The following OTUD4 variants were observed in gnomAD, a reference collection of about 807,000 sequenced individuals.
The protein encoded by OTUD4 is OTU deubiquitinase 4, also known as OTU domain-containing protein 4.
In OTUD4, 24 loss-of-function variants were observed where a neutral mutation model predicts 130.4. That is an observed-to-expected ratio of 0.18 (90% CI 0.13 to 0.26). The LOEUF (loss-of-function observed/expected upper bound fraction) is 0.26. OTUD4 is among the 10% of genes least tolerant of loss of function. OTUD4 has a pLI of 1.00. For missense variants in OTUD4, 1,031 were observed against 1,329.4 expected (o/e 0.78, Z 3.49); for synonymous variants, 420 against 472.5 (o/e 0.89, Z 1.44).
chr4:145,138,822 C>T (rs1302229329), intron 20 of OTUD4, among the ~76,000 whole-genome samples, 172 bp from the exon 21 acceptor site: 1 of 152,172 alleles, frequency 6.6e-6, no homozygotes, highest in Non-Finnish European at 1.5e-5. Flanking sequence ...AAATGAATTA[C>T]AAAATTCACT....
At chr4:145,165,536 G>A (rs767267112) in intron 3 of OTUD4, among the ~76,000 whole-genome samples, 10 of 151,882 alleles carry the variant, frequency 6.6e-5, no homozygotes, top group South Asian at 2.1e-4. Flanking sequence ...GGAGTGCAGC[G>A]GCGTGATCTC....
chr4:145,167,655 A>AG (rs1219497272), intron 3 of OTUD4, among the ~76,000 whole-genome samples: 1 of 152,164 alleles, frequency 6.6e-6, no homozygotes, highest in Non-Finnish European at 1.5e-5. Context: ...TCAGGAGTTC[A>AG]GGACCACCCT....
At chr4:145,142,420 T>C (rs1036186386) in intron 17 of OTUD4, 86 bp from the exon 18 acceptor site, 28 of 1,145,692 alleles carry the variant, frequency 2.4e-5, no homozygotes, top group African/African-American at 4.6e-5. Flanking sequence ...CAGATACATA[T>C]TGAGTTGCCT....
Position 145,136,122 on chromosome 4 carries a change from T to C in OTUD4, c.*1308A>G, listed in dbSNP as rs567418740. ...CATAATAAAAGAGTGGATTTTCACA[T>C]TGGTATGCACAAATAAAGAATATAA... On this transcript the variant is annotated 3_prime_UTR_variant, in exon 21 of 21. Transcript: ENST00000447906. 11 of 152,730 alleles carry C rather than the reference T, an allele frequency of 7.2e-5. No individual in the cohort carries two copies. The East Asian group carries it at 9.7e-4, about 13-fold the overall frequency. 9.5% of individuals were successfully genotyped at this position (152,730 alleles called of 1,614,324 possible).
In OTUD4 at chr4:145,169,277, C is replaced by A. The variant is rs147600047; in HGVS notation, c.294+2393G>T. Among the ~76,000 whole-genome samples, 385 of 152,306 alleles carry A rather than the reference C, an allele frequency of 2.5e-3. 2 individuals are homozygous for A. The highest frequency in any genetic ancestry group is 8.7e-3 in the African/African-American group (361 of 41,572). ...TTGTATATTTATAAGTGATGAATTT[C>A]ACTGTATGTCAATTTTACCTCAAAG... On this transcript the variant is annotated intron_variant, in intron 3 of 20. Coordinates refer to ENST00000447906, the MANE Select transcript of OTUD4 (RefSeq NM_001366057.1).
rs1750109388 is a variant in OTUD4, at chr4:145,133,709, G to A, written c.*3721C>T. On this transcript the variant is annotated 3_prime_UTR_variant, in exon 21 of 21. Transcript: ENST00000447906. ...TATATATAATGCAGCATCACACCAT[G>A]TAGGGCATTTACTCTTATTTTATAC... The A allele has an allele frequency of 6.6e-6, 1 of 152,522 alleles. No homozygotes were observed. Among genetic ancestry groups the A allele is most frequent in the Non-Finnish European group, 1.5e-5 (1 of 68,020 alleles). 9.4% of individuals were successfully genotyped at this position (152,522 alleles called of 1,614,324 possible). A position where few individuals can be genotyped will look rare whatever the true frequency, so the allele number is the denominator to read the frequency against.
At position 145,137,196 on chromosome 4, in the gene OTUD4, C is replaced by G. The variant is rs1005444731; in HGVS notation, c.*234G>C. On this transcript the variant is annotated 3_prime_UTR_variant, in exon 21 of 21. Coordinates refer to ENST00000447906, the MANE Select transcript of OTUD4 (RefSeq NM_001366057.1). ...ACTTATCTTCTACTTTTTACGGGGACAGTCACTTGATCAACAAACAGATTC... is the reference window on the plus strand; with the variant it reads ...ACTTATCTTCTACTTTTTACGGGGAGAGTCACTTGATCAACAAACAGATTC... The G allele has an allele frequency of 7.4e-5, 30 of 407,208 alleles. No individual in the cohort carries two copies. The highest frequency in any genetic ancestry group is 3.3e-4 in the Admixed American group (8 of 24,568). 25.2% of individuals were successfully genotyped at this position (407,208 alleles called of 1,614,324 possible). A position where few individuals can be genotyped will look rare whatever the true frequency, so the allele number is the denominator to read the frequency against.
intron 1 of OTUD4, among the ~76,000 whole-genome samples, chr4:145,177,101 C>T (rs1316496073): frequency 1.3e-5 from 2 of 152,198 alleles, no homozygotes; most frequent in Non-Finnish European, 2.9e-5. Flanking sequence ...CATTTAGCAA[C>T]ACTTCTTTCA....
chr4:145,134,818 G>C lies in OTUD4; in HGVS notation c.*2612C>G, dbSNP rs1215053518. ...GGGGCTGGAATCAAGTTCAGCCAAA[G>C]CACCTAACACAAAAAACAGGTGAGC... On this transcript the variant is annotated 3_prime_UTR_variant, in exon 21 of 21. Transcript: ENST00000447906. 1.0e-5 allele frequency: 4 copies of C among 398,856 alleles called. No individual in the cohort carries two copies. The allele number at this position is 398,856 out of a possible 1,614,324, so 24.7% of individuals were successfully genotyped here.
intron 13 of OTUD4, among the ~76,000 whole-genome samples, chr4:145,146,940 A>T (rs1750854313): frequency 6.6e-6 from 1 of 152,222 alleles, no homozygotes; most frequent in African/African-American, 2.4e-5. Flanking sequence ...AGGGAGACAC[A>T]AAGCTGAAAA....
chr4:145,137,791 A>G lies in OTUD4; in HGVS notation c.2984T>C (p.Val995Ala). ...ATCAGCAGCAGTCTTAGGATCTTTTACTTTTTCTGTTTTTTCTTTCAGGCT... is the reference window on the plus strand; with the variant it reads ...ATCAGCAGCAGTCTTAGGATCTTTTGCTTTTTCTGTTTTTTCTTTCAGGCT... Reference protein sequence around the residue: ...IQSLKEKTEKVKDPKTAADVV... With the variant: ...IQSLKEKTEKAKDPKTAADVV... The change falls in exon 21 of 21, where the codon GTA becomes GCA. Residue 995 changes from valine (V) to alanine (A), a missense_variant. By Grantham distance (64) the Val-to-Ala change is moderately conservative. Transcript: ENST00000447906. 6.2e-7 allele frequency: 1 copy of G among 1,613,872 alleles called. No individual in the cohort carries two copies. Among genetic ancestry groups the G allele is most frequent in the Non-Finnish European group, 8.5e-7 (1 of 1,179,968 alleles).
At position 145,150,902 on chromosome 4, in the gene OTUD4, G is replaced by A. The variant is rs749489791; in HGVS notation, c.972C>T (p.His324=). The A allele has an allele frequency of 6.2e-7, 1 of 1,607,324 alleles. No individual in the cohort carries two copies. Among genetic ancestry groups the A allele is most frequent in the South Asian group, 1.1e-5 (1 of 90,254 alleles). Residue 324 remains histidine (H), a synonymous_variant, in exon 12 of 21, where the codon CAC becomes CAT. Coordinates refer to ENST00000447906, the MANE Select transcript of OTUD4 (RefSeq NM_001366057.1). The part of the protein sequence containing the change: ...PVLVEELGKK[H]TSKNLKAPPP... The stretch of plus-strand genomic sequence containing the variant: ...GAGGTGCCTTGAGGTTCTTTGATGT[G>A]TGCCTTCAAAGGGGAAAAGACTTGT...
chr4:145,142,611 T>C (rs551602398), intron 17 of OTUD4, among the ~76,000 whole-genome samples: 12 of 152,352 alleles, frequency 7.9e-5, no homozygotes, highest in African/African-American at 2.9e-4. Context: ...GTCTCAAAAC[T>C]CTTGGGCTCA....
intron 1 of OTUD4, 127 bp downstream of exon 1, chr4:145,179,688 G>C (rs1245550191): frequency 7.1e-7 from 1 of 1,406,828 alleles, no homozygotes; most frequent in Non-Finnish European, 9.2e-7. Flanking sequence ...GGGGCGCTGT[G>C]ACGACAGCCA....
At chr4:145,173,958 G>C (rs568434775) in intron 2 of OTUD4, among the ~76,000 whole-genome samples, 34 of 151,880 alleles carry the variant, frequency 2.2e-4, no homozygotes, top group Non-Finnish European at 2.1e-4. Context: ...TAAAATTAAG[G>C]GTTCAGCATT....
intron 3 of OTUD4, among the ~76,000 whole-genome samples, chr4:145,166,734 G>A (rs1414464659): frequency 2.0e-5 from 3 of 152,244 alleles, no homozygotes; most frequent in East Asian, 3.9e-4. Flanking sequence ...CCAGCTACTC[G>A]GGGGCTGAGG....
intron 13 of OTUD4, among the ~76,000 whole-genome samples, chr4:145,147,126 A>G (rs943161843): frequency 6.6e-6 from 1 of 152,184 alleles, no homozygotes; most frequent in Non-Finnish European, 1.5e-5. Context: ...TATGAATACT[A>G]TTTCCATCAT....
chr4:145,154,973 C>A (rs1405742253), intron 10 of OTUD4, among the ~76,000 whole-genome samples: 2 of 152,204 alleles, frequency 1.3e-5, no homozygotes, highest in Non-Finnish European at 2.9e-5. Flanking sequence ...GGCAAAAACT[C>A]CTCTGTGGCT....
intron 13 of OTUD4, among the ~76,000 whole-genome samples, chr4:145,148,490 A>C: frequency 6.7e-6 from 1 of 149,750 alleles, no homozygotes; most frequent in Non-Finnish European, 1.5e-5. Flanking sequence ...CAAGAGTGAA[A>C]CTCCGTCTCA....
Sources: allele counts gnomAD v4.1 joint callset (sites outside exome capture counted in the v4.1 genomes callset), GRCh38; gene constraint gnomAD v4.1.1; transcripts MANE v1.5; gene names NCBI Gene and HGNC (gene_info 2026-07-23, HGNC 2026-07-21).